Variants in ERC2 observed in about 807,000 individuals in gnomAD.
ERC2 encodes ERC protein 2.
Under a neutral mutation model 114.8 loss-of-function variants are expected in ERC2, and 42 were observed. The observed-to-expected ratio is 0.37, with a 90% CI of 0.29 to 0.47. The LOEUF is 0.47. Ranked by LOEUF, ERC2 falls within the 20% of genes least tolerant of loss-of-function variation. The pLI, the probability that ERC2 is intolerant of heterozygous loss-of-function variation, is 0.99. For synonymous variants in ERC2, 454 were observed against 425.5 expected, an observed-to-expected ratio of 1.07 and a Z score of -0.82; for missense variants, 939 against 1,150.7, an observed-to-expected ratio of 0.82 and a Z score of 2.66.
At chr3:55,948,737 C>CATAT (rs1352673165) in intron 13 of ERC2, among the ~76,000 whole-genome samples, 1 of 152,110 alleles carries the variant, frequency 6.6e-6, no homozygotes, top group African/African-American at 2.4e-5. Flanking sequence ...ATTTCCATAA[C>CATAT]TATATGTGTC....
rs2064114525 is a variant in ERC2, at chr3:55,716,227, A to G, written c.2713-16715T>C. ...GCCAACCTCTCACTTTCCTTCTTTA[A>G]CAATCCACCTCCTCCCAGCTTCCCC... On this transcript the variant is annotated intron_variant, in intron 15 of 17. Coordinates refer to ENST00000288221, the MANE Select transcript of ERC2 (RefSeq NM_015576.3). Among the ~76,000 whole-genome samples the G allele has an allele frequency of 2.0e-5, 3 of 152,242 alleles. No individual in the cohort carries two copies. The South Asian group carries it at 6.2e-4, about 32-fold the overall frequency.
At chr3:55,816,573 C>T (rs751723477) in intron 14 of ERC2, among the ~76,000 whole-genome samples, 22 of 152,128 alleles carry the variant, frequency 1.4e-4, no homozygotes, top group Admixed American at 3.3e-4. Flanking sequence ...TGAAGGAACT[C>T]ATTTCTTAGC....
intron 7 of ERC2, among the ~76,000 whole-genome samples, chr3:56,067,657 CATG>C (rs1268115340): frequency 6.6e-5 from 10 of 151,906 alleles, no homozygotes; most frequent in African/African-American, 2.4e-4. Context: ...TTTGCCGATT[CATG>C]ATATTGGCTG....
intron 3 of ERC2, chr3:56,173,830 C>T (rs954884663): frequency 3.6e-6 from 1 of 275,040 alleles, no homozygotes; most frequent in South Asian, 6.8e-5. Flanking sequence ...GCCATCAAAT[C>T]ATAATTTACT....
chr3:55,639,072 G>C (rs2060071678), intron 17 of ERC2, among the ~76,000 whole-genome samples: 1 of 152,192 alleles, frequency 6.6e-6, no homozygotes, highest in African/African-American at 2.4e-5. Flanking sequence ...TGGATTCAGG[G>C]TCGGTGAGCT....
At chr3:55,927,505 A>T (rs534284583) in intron 13 of ERC2, among the ~76,000 whole-genome samples, 30 of 152,268 alleles carry the variant, frequency 2.0e-4, no homozygotes, top group African/African-American at 7.2e-4. Flanking sequence ...GGTATATGAG[A>T]TATTTTGATA....
At chr3:55,626,337 T>C (rs2059523036) in intron 17 of ERC2, among the ~76,000 whole-genome samples, 1 of 152,206 alleles carries the variant, frequency 6.6e-6, no homozygotes, top group African/African-American at 2.4e-5. Flanking sequence ...TGATTAGCCC[T>C]GGTGGTTACT....
intron 2 of ERC2, among the ~76,000 whole-genome samples, chr3:56,425,213 A>AAC (rs368413477): frequency 6.6e-6 from 1 of 151,892 alleles, no homozygotes; most frequent in African/African-American, 2.4e-5. Context: ...CTCCCCACAA[A>AAC]ACACACACAC....
chr3:56,186,758 T>C (rs932163641), intron 3 of ERC2, among the ~76,000 whole-genome samples: 1 of 152,144 alleles, frequency 6.6e-6, no homozygotes, highest in Non-Finnish European at 1.5e-5. Flanking sequence ...AGACTGGTCA[T>C]GAACTCTTGA....
chr3:56,436,499 C>A (rs555597392), intron 1 of ERC2, among the ~76,000 whole-genome samples: 1 of 152,266 alleles, frequency 6.6e-6, no homozygotes, highest in South Asian at 2.1e-4. Flanking sequence ...CAAATACACA[C>A]TTTCTGATTA....
At chr3:55,888,666 GC>G in intron 13 of ERC2, 117 bp from the exon 14 acceptor site, 4 of 1,260,380 alleles carry the variant, frequency 3.2e-6, no homozygotes, top group Non-Finnish European at 4.5e-6. Flanking sequence ...CTTGAACTGG[GC>G]CGCTGTGTCT....
At chr3:56,265,608 A>G (rs1349098961) in intron 3 of ERC2, among the ~76,000 whole-genome samples, 1 of 152,244 alleles carries the variant, frequency 6.6e-6, no homozygotes, top group African/African-American at 2.4e-5. Flanking sequence ...AAGTGTAACT[A>G]CATCAAACTA....
At chr3:56,147,754 T>A (rs943543713) in intron 5 of ERC2, among the ~76,000 whole-genome samples, 26 of 152,302 alleles carry the variant, frequency 1.7e-4, no homozygotes, top group Non-Finnish European at 3.4e-4. Flanking sequence ...CAAATTTTTT[T>A]AATTGGTGTA....
At chr3:56,406,771 C>G (rs2060743804) in intron 2 of ERC2, among the ~76,000 whole-genome samples, 1 of 152,132 alleles carries the variant, frequency 6.6e-6, no homozygotes, top group African/African-American at 2.4e-5. Context: ...AAAAATCAAA[C>G]TCAATCTCAA....
At chr3:56,312,741 T>G (rs1294766498) in intron 2 of ERC2, among the ~76,000 whole-genome samples, 2 of 149,004 alleles carry the variant, frequency 1.3e-5, no homozygotes, top group African/African-American at 5.0e-5. Context: ...GAATTTTAAG[T>G]GACTGGGAAA....
At chr3:56,037,465 T>C (rs1253527124) in intron 7 of ERC2, among the ~76,000 whole-genome samples, 2 of 152,100 alleles carry the variant, frequency 1.3e-5, no homozygotes, top group African/African-American at 4.8e-5. Context: ...GCTTAAAGAC[T>C]GTCTTGCTGA....
At chr3:56,179,344 T>C (rs1473529355) in intron 3 of ERC2, among the ~76,000 whole-genome samples, 2 of 152,136 alleles carry the variant, frequency 1.3e-5, no homozygotes, top group African/African-American at 4.8e-5. Context: ...CATTTGGAGT[T>C]TGTCGTGAGG....
At chr3:55,520,252 G>A (rs978314654) in intron 17 of ERC2, among the ~76,000 whole-genome samples, 3 of 151,228 alleles carry the variant, frequency 2.0e-5, no homozygotes, top group Non-Finnish European at 4.4e-5. Flanking sequence ...CCTGGCCAAC[G>A]TGGTGAAACC....
intron 14 of ERC2, among the ~76,000 whole-genome samples, chr3:55,836,034 T>G (rs1333571735): frequency 6.6e-6 from 1 of 150,558 alleles, no homozygotes; most frequent in East Asian, 1.9e-4. Flanking sequence ...TACCTAGGAC[T>G]CCAACTTACA....
Sources: allele counts gnomAD v4.1 joint callset (sites outside exome capture counted in the v4.1 genomes callset), GRCh38; gene constraint gnomAD v4.1.1; transcripts MANE v1.5; gene names NCBI Gene and HGNC (gene_info 2026-07-23, HGNC 2026-07-21).